Variants in EYS observed in about 807,000 individuals in gnomAD.
The protein encoded by EYS is protein eyes shut homolog.
A neutral mutation model predicts 282.1 loss-of-function variants in EYS; 250 were observed. The ratio of observed to expected loss-of-function variants is 0.89; its 90% CI spans 0.80 to 0.98. The LOEUF (loss-of-function observed/expected upper bound fraction) is 0.98, where lower values mean the gene tolerates loss of function less well. EYS is among the 50% of genes least tolerant of loss of function. EYS has a pLI of 0.00. For synonymous variants in EYS, 1,355 were observed against 1,282.9 expected (o/e 1.06, Z -1.20); for missense variants, 4,016 against 3,709.0 (o/e 1.08, Z -2.15).
chr6:65,077,738 T>C (rs1222202703), intron 12 of EYS, among the ~76,000 whole-genome samples: 1 of 152,102 alleles, frequency 6.6e-6, no homozygotes, highest in African/African-American at 2.4e-5. Flanking sequence ...AAACACATTT[T>C]ACCAAAAGTC....
chr6:65,290,500 A>T (rs189427177), intron 12 of EYS, among the ~76,000 whole-genome samples: 2 of 151,394 alleles, frequency 1.3e-5, no homozygotes, highest in Non-Finnish European at 3.0e-5. Flanking sequence ...TTAAATGTGA[A>T]TATTATAAGT....
chr6:64,227,731 A>G (rs1766292236), intron 31 of EYS, among the ~76,000 whole-genome samples: 1 of 152,138 alleles, frequency 6.6e-6, no homozygotes, highest in South Asian at 2.1e-4. Flanking sequence ...TTCCTGAAGC[A>G]GAAGTTCATA....
At chr6:65,669,836 G>A (rs1768328920) in intron 1 of EYS, among the ~76,000 whole-genome samples, 1 of 151,916 alleles carries the variant, frequency 6.6e-6, no homozygotes, top group Non-Finnish European at 1.5e-5. Flanking sequence ...ACACAGGAAT[G>A]GCATGATCTG....
chr6:63,991,791 C>G (rs1326767055), intron 34 of EYS, among the ~76,000 whole-genome samples: 1 of 151,660 alleles, frequency 6.6e-6, no homozygotes, highest in African/African-American at 2.4e-5. Context: ...AAAAAGTCCA[C>G]TCTGAGACAT....
At chr6:64,894,363 T>C (rs191320909) in intron 18 of EYS, among the ~76,000 whole-genome samples, 1 of 152,132 alleles carries the variant, frequency 6.6e-6, no homozygotes, top group Non-Finnish European at 1.5e-5. Context: ...AATAAACATA[T>C]AAATCAGAGA....
intron 12 of EYS, among the ~76,000 whole-genome samples, chr6:65,283,806 G>A (rs1368638972): frequency 6.6e-6 from 1 of 151,482 alleles, no homozygotes; most frequent in African/African-American, 2.4e-5. Context: ...GTCAATATTA[G>A]TTTCTATTTT....
intron 12 of EYS, among the ~76,000 whole-genome samples, chr6:65,192,478 C>CA (rs1412646409): frequency 2.0e-5 from 3 of 151,386 alleles, no homozygotes; most frequent in Admixed American, 6.6e-5. Context: ...TAATTTTTTA[C>CA]AAAAAAGGCT....
chr6:64,527,910 T>C (rs1777974352), intron 26 of EYS, among the ~76,000 whole-genome samples: 1 of 151,738 alleles, frequency 6.6e-6, no homozygotes, highest in African/African-American at 2.4e-5. Flanking sequence ...AAGTTATCAT[T>C]TAGAGAAAAA....
intron 26 of EYS, among the ~76,000 whole-genome samples, chr6:64,588,022 A>G (rs1251755281): frequency 1.3e-5 from 2 of 152,030 alleles, no homozygotes; most frequent in Non-Finnish European, 2.9e-5. Context: ...TTTAAGATGG[A>G]GTCTGGAAAG....
intron 18 of EYS, among the ~76,000 whole-genome samples, chr6:64,887,229 A>G (rs1310412502): frequency 1.4e-5 from 2 of 141,256 alleles, no homozygotes; most frequent in African/African-American, 5.3e-5. Flanking sequence ...GAAGTGAACA[A>G]TGAGAACACA....
intron 33 of EYS, among the ~76,000 whole-genome samples, chr6:64,028,121 T>G (rs978414427): frequency 6.6e-6 from 1 of 152,224 alleles, no homozygotes; most frequent in Non-Finnish European, 1.5e-5. Flanking sequence ...TAGCCAAGGC[T>G]GGAGCTATTG....
At chr6:64,693,814 TA>T (rs1208892523) in intron 22 of EYS, among the ~76,000 whole-genome samples, 3 of 151,994 alleles carry the variant, frequency 2.0e-5, no homozygotes, top group East Asian at 3.9e-4. Flanking sequence ...AAATGGAAGT[TA>T]AAAAAATAAG....
chr6:65,187,824 A>G (rs1026998575), intron 12 of EYS, among the ~76,000 whole-genome samples: 2 of 151,710 alleles, frequency 1.3e-5, no homozygotes, highest in African/African-American at 2.4e-5. Flanking sequence ...GAATTGGTAT[A>G]TTCATATAAA....
chr6:63,940,392 T>A (rs1310853365), intron 35 of EYS, among the ~76,000 whole-genome samples: 2 of 152,224 alleles, frequency 1.3e-5, no homozygotes, highest in Admixed American at 6.5e-5. Context: ...TTGTACTTTC[T>A]GCAAAATACC....
chr6:64,743,525 A>G (rs1679604984), intron 22 of EYS, among the ~76,000 whole-genome samples: 2 of 152,266 alleles, frequency 1.3e-5, no homozygotes, highest in South Asian at 2.1e-4. Context: ...TTTGAAAGTT[A>G]TCTTCACAGA....
In EYS at chr6:64,617,317, A is replaced by G. The variant is rs1009346790; in HGVS notation, c.3684+101T>C. On this transcript the variant is annotated intron_variant, in intron 24 of 42. Coordinates refer to ENST00000503581, the MANE Select transcript of EYS (RefSeq NM_001142800.2). ...GAGAAGGAGAGATGCGCTGAAGATT[A>G]ACTACTCCGACCTTATTTTTCACCA... The G allele has an allele frequency of 3.6e-5, 28 of 767,902 alleles. No homozygotes were observed. In the East Asian group the frequency reaches 7.6e-4, roughly 21 times the overall value. 47.6% of individuals were successfully genotyped at this position (767,902 alleles called of 1,614,324 possible).
intron 7 of EYS, among the ~76,000 whole-genome samples, chr6:65,393,814 T>A (rs543099238): frequency 6.6e-6 from 1 of 152,026 alleles, no homozygotes; most frequent in Non-Finnish European, 1.5e-5. Context: ...GTGTAAGTTA[T>A]AATAATCTAA....
In EYS at chr6:65,203,324, C is replaced by T. The variant is rs115683066; in HGVS notation, c.2023+92539G>A. On this transcript the variant is annotated intron_variant, in intron 12 of 42. Coordinates refer to ENST00000503581, the MANE Select transcript of EYS (RefSeq NM_001142800.2). ...TTCTTGCTTACAGCAGTGTGCAGTG[C>T]TAGGGAACTAGATATGCAACCCAAG... 4.2e-3 allele frequency among the ~76,000 whole-genome samples: 638 copies of T among 152,210 alleles called. 5 individuals carry two copies. The highest frequency in any genetic ancestry group is 0.014 in the African/African-American group (575 of 41,554).
intron 12 of EYS, among the ~76,000 whole-genome samples, chr6:65,082,641 C>T (rs1774258212): frequency 6.6e-6 from 1 of 152,006 alleles, no homozygotes; most frequent in Admixed American, 6.6e-5. Flanking sequence ...CTTGCTTCTA[C>T]ATTGCATTTT....
Sources: allele counts gnomAD v4.1 joint callset (sites outside exome capture counted in the v4.1 genomes callset), GRCh38; gene constraint gnomAD v4.1.1; transcripts MANE v1.5; gene names NCBI Gene and HGNC (gene_info 2026-07-23, HGNC 2026-07-21).